The following SFPQ variants were observed in gnomAD, a reference collection of about 807,000 sequenced individuals.
SFPQ encodes the protein splicing factor, proline- and glutamine-rich.
Under a neutral mutation model 72.9 loss-of-function variants are expected in SFPQ, and 11 were observed. That is an observed-to-expected ratio of 0.15 (90% CI 0.09 to 0.25). SFPQ has a LOEUF of 0.25. SFPQ is among the 10% of genes least tolerant of loss of function. SFPQ has a pLI of 1.00. For missense variants in SFPQ, 847 were observed against 993.3 expected (o/e 0.85, Z 1.98); for synonymous variants, 506 against 367.3 (o/e 1.38, Z -4.32).
At chr1:35,179,651 C>G (rs796085969), downstream of SFPQ, 2 of 1,055,480 alleles carry the variant, frequency 1.9e-6, no homozygotes, top group African/African-American at 3.3e-5. Context: ...ACTAACGTCA[C>G]AAGTTTCTCA....
intron 5 of SFPQ, chr1:35,176,514 CAG>C (rs1384970563): frequency 1.3e-5 from 2 of 152,182 alleles, no homozygotes; most frequent in East Asian, 3.9e-4. Context: ...ATACAAGAAT[CAG>C]AGTTACCAAA....
At position 35,192,786 on chromosome 1, in the gene SFPQ, C is replaced by A; in HGVS notation, c.264G>T (p.Pro88=). The A allele has an allele frequency of 6.7e-7, 1 of 1,498,864 alleles. No individual in the cohort carries two copies. 92.8% of individuals were successfully genotyped at this position (1,498,864 alleles called of 1,614,324 possible). The change falls in exon 1 of 10, where the codon CCG becomes CCT. Residue 88 remains proline, a synonymous_variant. Transcript: ENST00000357214. ...GCTGCTGATGCGGCTGTGGATGCGG[C>A]GGCGGCTGATGCGGTGGCGGCTGCT... is the stretch of plus-strand genomic sequence containing the variant. ...PPQQPPPHQP[P]PHPQPHQQQQ...
At chr1:35,186,712 C>A (rs1211571868) in intron 9 of SFPQ, among the ~76,000 whole-genome samples, 1 of 152,128 alleles carries the variant, frequency 6.6e-6, no homozygotes, top group East Asian at 1.9e-4. Context: ...ATTTGCCATG[C>A]ACTAGAGTTC....
chr1:35,187,045 C>T lies in SFPQ; in HGVS notation c.1942G>A (p.Val648Ile), dbSNP rs149566818. 37 of 1,614,072 alleles carry T rather than the reference C, an allele frequency of 2.3e-5. No individual in the cohort carries two copies. The Middle Eastern group carries it at 4.9e-4, about 22-fold the overall frequency. ...GGIGYEANPG[V>I]PPATMSGSMM... is the part of the protein sequence containing the mutation. ...GAACCACTCATGGTTGCTGGTGGAA[C>T]GCCAGGATTAGCTTCATAACCTATG... The change falls in exon 9 of 10, where the codon GTT (valine) becomes ATT (isoleucine). Residue 648 changes from valine (V) to isoleucine (I), a missense_variant. Physicochemically the swap from Val to Ile is conservative, Grantham distance 29. Transcript: ENST00000357214.
Sources: allele counts gnomAD v4.1 joint callset (sites outside exome capture counted in the v4.1 genomes callset), GRCh38; gene constraint gnomAD v4.1.1; transcripts MANE v1.5; gene names NCBI Gene and HGNC (gene_info 2026-07-23, HGNC 2026-07-21).